DPYSL2: variants seen among roughly 807,000 people sequenced by gnomAD.
DPYSL2 encodes dihydropyrimidinase like 2.
In DPYSL2, 13 loss-of-function variants were observed where a neutral mutation model predicts 69.9. The ratio of observed to expected loss-of-function variants is 0.19; its 90% CI spans 0.12 to 0.30. DPYSL2 has a LOEUF of 0.30. Ranked by LOEUF, DPYSL2 falls within the 10% of genes least tolerant of loss-of-function variation. The pLI is 1.00. For missense variants in DPYSL2, 587 were observed against 918.9 expected (o/e 0.64, Z 4.67); for synonymous variants, 326 against 359.1 (o/e 0.91, Z 1.04).
In DPYSL2 at chr8:26,591,782, G is replaced by A. The variant is rs2322130; in HGVS notation, c.628+7799G>A. ...GTCATCCCCCCATGGCAGCCCCTCT[G>A]CCTCTGGAGAATCCCAGAGCTTGGG... On this transcript the variant is annotated intron_variant, in intron 3 of 13. Transcript: ENST00000521913. The surrounding 1 kb of genome is among the most constrained non-coding windows in gnomAD (Gnocchi z 5.8). 0.38 allele frequency among the ~76,000 whole-genome samples: 57,042 copies of A among 151,744 alleles called. 12,887 individuals carry two copies. The highest frequency in any genetic ancestry group is 0.68 in the East Asian group (3,486 of 5,100).
At chr8:26,531,216 A>G (rs1800505577) in intron 1 of DPYSL2, among the ~76,000 whole-genome samples, 1 of 152,152 alleles carries the variant, frequency 6.6e-6, no homozygotes, top group Non-Finnish European at 1.5e-5. Flanking sequence ...GACAGAAAAC[A>G]AAATAAGGAA....
At chr8:26,599,315 G>A (rs1371277540) in intron 3 of DPYSL2, among the ~76,000 whole-genome samples, 1 of 152,110 alleles carries the variant, frequency 6.6e-6, no homozygotes, top group East Asian at 1.9e-4. Context: ...CCCCCTGGCA[G>A]GTAAAGGTGG....
intron 3 of DPYSL2, among the ~76,000 whole-genome samples, chr8:26,590,265 C>T (rs1801695845): frequency 2.0e-5 from 3 of 152,346 alleles, no homozygotes; most frequent in Admixed American, 6.5e-5. Context: ...TAGAAAGCCA[C>T]GTTATCCAAT....
chr8:26,532,693 T>C (rs1032470330), intron 1 of DPYSL2, among the ~76,000 whole-genome samples: 1 of 152,250 alleles, frequency 6.6e-6, no homozygotes, highest in Admixed American at 6.5e-5. Context: ...TTATAACATG[T>C]ATCAGTACTT....
intron 1 of DPYSL2, among the ~76,000 whole-genome samples, chr8:26,575,311 C>A (rs1169033835): frequency 6.6e-6 from 1 of 152,092 alleles, no homozygotes. Flanking sequence ...TTACAAGGAT[C>A]TCTGAAGTAA....
chr8:26,555,876 A>G (rs1369499772), intron 1 of DPYSL2, among the ~76,000 whole-genome samples: 3 of 144,228 alleles, frequency 2.1e-5, no homozygotes, highest in African/African-American at 7.7e-5. Flanking sequence ...AAAATTATAT[A>G]TATACTTGTA....
At chr8:26,561,631 C>T (rs1237700317) in intron 1 of DPYSL2, among the ~76,000 whole-genome samples, 1 of 151,960 alleles carries the variant, frequency 6.6e-6, no homozygotes, top group Non-Finnish European at 1.5e-5. Context: ...TTTTTTGGCA[C>T]CATGGACCAG....
At chr8:26,578,334 C>G (rs773474486) in intron 1 of DPYSL2, 1 of 1,613,764 alleles carries the variant, frequency 6.2e-7, no homozygotes, top group South Asian at 1.1e-5. Flanking sequence ...GGCCAGCCAC[C>G]TTTTGTAGCA....
Position 26,591,778 on chromosome 8 carries a change from C to G in DPYSL2, c.628+7795C>G, listed in dbSNP as rs1348026087. 6.6e-6 allele frequency among the ~76,000 whole-genome samples: 1 copy of G among 152,144 alleles called. No homozygotes were observed. The highest frequency in any genetic ancestry group is 2.1e-4 in the South Asian group (1 of 4,828). ...CTTTGTCATCCCCCCATGGCAGCCC[C>G]TCTGCCTCTGGAGAATCCCAGAGCT... On this transcript the variant is annotated intron_variant, in intron 3 of 13. Transcript: ENST00000521913. The surrounding 1 kb of genome is among the most constrained non-coding windows in gnomAD (Gnocchi z 5.8).
intron 1 of DPYSL2, among the ~76,000 whole-genome samples, chr8:26,581,055 G>A (rs1200663782): frequency 6.6e-6 from 1 of 152,176 alleles, no homozygotes; most frequent in Non-Finnish European, 1.5e-5. Flanking sequence ...ATACTTATTC[G>A]TGGGAGTTTA....
chr8:26,583,005 A>G (rs1801522692), intron 2 of DPYSL2, among the ~76,000 whole-genome samples: 1 of 152,070 alleles, frequency 6.6e-6, no homozygotes, highest in Non-Finnish European at 1.5e-5. Flanking sequence ...TTGATGTTCC[A>G]TTTTCCCCCA....
chr8:26,578,446 G>A, intron 1 of DPYSL2: 1 of 1,500,668 alleles, frequency 6.7e-7, no homozygotes, highest in Non-Finnish European at 8.8e-7. Context: ...GGTGGTGGTG[G>A]TTGTGGGAGA....
At position 26,514,821 on chromosome 8, in the gene DPYSL2, C is replaced by T; in HGVS notation, c.354+142C>T. On this transcript the variant is annotated intron_variant, in intron 1 of 13. Transcript: ENST00000521913. The surrounding 1 kb of genome is among the most constrained non-coding windows in gnomAD (Gnocchi z 8.4). ...CTGCACGCGCACCCCGCCCTACCCG[C>T]CCCTTCTCCGCGCAGGGTGCGGCGA... 2.6e-6 allele frequency: 2 copies of T among 780,096 alleles called. No homozygotes were observed. The highest frequency in any genetic ancestry group is 3.7e-6 in the Non-Finnish European group (2 of 541,690). 48.3% of individuals were successfully genotyped at this position (780,096 alleles called of 1,614,324 possible). A position where few individuals can be genotyped will look rare whatever the true frequency, so the allele number is the denominator to read the frequency against.
Position 26,533,863 on chromosome 8 carries a change from G to C in DPYSL2, c.354+19184G>C, listed in dbSNP as rs1229583605. ...TGGCAGGGACTGATGGGGGAACCCA[G>C]TGACAGCCTAGTGACAAGAGGGTCT... On this transcript the variant is annotated intron_variant, in intron 1 of 13. Transcript: ENST00000521913. The surrounding 1 kb of genome is among the most constrained non-coding windows in gnomAD (Gnocchi z 4.8). 6.6e-6 allele frequency among the ~76,000 whole-genome samples: 1 copy of C among 152,254 alleles called. No individual in the cohort carries two copies. The highest frequency in any genetic ancestry group is 2.4e-5 in the African/African-American group (1 of 41,478).
chr8:26,603,902 T>G (rs1051351316), intron 3 of DPYSL2, among the ~76,000 whole-genome samples: 2 of 152,236 alleles, frequency 1.3e-5, no homozygotes, highest in East Asian at 3.9e-4. Context: ...ATACATGGGC[T>G]GCTTCCACCT....
rs905807415 is a variant in DPYSL2, at chr8:26,514,385, T to A, written c.60T>A (p.Phe20Leu). 1.4e-5 allele frequency: 21 copies of A among 1,514,974 alleles called. No homozygotes were observed. The highest frequency in any genetic ancestry group is 2.6e-5 in the East Asian group (1 of 39,138). The allele number at this position is 1,514,974 out of a possible 1,614,324, so 93.8% of individuals were successfully genotyped here. The part of the protein sequence containing the change: ...AAEDEEVPAF[F>L]KNLGSGSPKP... ...AGGACGAAGAGGTCCCTGCTTTTTT[T>A]AAAAACCTGGGCTCCGGCAGCCCCA... The change falls in exon 1 of 14, where the codon TTT (phenylalanine) becomes TTA (leucine). Residue 20 changes from phenylalanine (F) to leucine (L), a missense_variant. Coordinates refer to ENST00000521913, the MANE Select transcript of DPYSL2 (RefSeq NM_001197293.3). This position sits in a 1 kb window ranked among gnomAD's most constrained non-coding sequence, Gnocchi z 8.4.
chr8:26,515,114 G>T (rs546120650), intron 1 of DPYSL2, among the ~76,000 whole-genome samples: 51 of 152,334 alleles, frequency 3.3e-4, no homozygotes, highest in African/African-American at 1.2e-3. Context: ...CGGCTCCCCG[G>T]TGGTCGGGAG....
chr8:26,635,799 T>C (rs1802901505), intron 8 of DPYSL2, among the ~76,000 whole-genome samples: 1 of 152,208 alleles, frequency 6.6e-6, no homozygotes, highest in Non-Finnish European at 1.5e-5. Flanking sequence ...TTTCATTTTA[T>C]CTTTCATTTG....
chr8:26,576,699 T>C (rs1801353040), intron 1 of DPYSL2, among the ~76,000 whole-genome samples: 1 of 152,234 alleles, frequency 6.6e-6, no homozygotes, highest in Non-Finnish European at 1.5e-5. Flanking sequence ...ACACTCTTGA[T>C]TTTAACTCCG....
Sources: allele counts gnomAD v4.1 joint callset (sites outside exome capture counted in the v4.1 genomes callset), GRCh38; gene constraint gnomAD v4.1.1; non-coding constraint Gnocchi (gnomAD v3.1); transcripts MANE v1.5; gene names NCBI Gene and HGNC (gene_info 2026-07-23, HGNC 2026-07-21).